Variants in ZBTB8A observed in about 807,000 individuals in gnomAD.
The protein encoded by ZBTB8A is zinc finger and BTB domain-containing protein 8A.
Under a neutral mutation model 37.8 loss-of-function variants are expected in ZBTB8A, and 19 were observed. That is an observed-to-expected ratio of 0.50 (90% confidence interval 0.35 to 0.74). The LOEUF (loss-of-function observed/expected upper bound fraction) is 0.74, where lower values mean the gene tolerates loss of function less well. ZBTB8A is among the 30% of genes least tolerant of loss of function. The pLI is 0.01. For synonymous variants in ZBTB8A, 181 were observed against 185.2 expected, an observed-to-expected ratio of 0.98 and a Z score of 0.19; for missense variants, 394 against 537.8, an observed-to-expected ratio of 0.73 and a Z score of 2.65.
intron 1 of ZBTB8A, among the ~76,000 whole-genome samples, chr1:32,551,451 A>C (rs979120130): frequency 6.6e-6 from 1 of 151,952 alleles, no homozygotes; most frequent in African/African-American, 2.4e-5. Flanking sequence ...ATGGTGGCTC[A>C]TGCCTGTAAT....
chr1:32,550,888 C>T (rs1386993153), intron 1 of ZBTB8A, among the ~76,000 whole-genome samples: 4 of 145,522 alleles, frequency 2.7e-5, no homozygotes, highest in African/African-American at 5.1e-5. Context: ...ACCCGGGAGG[C>T]GGAGGTTGCA....
At chr1:32,558,921 C>G (rs774471560) in intron 2 of ZBTB8A, among the ~76,000 whole-genome samples, 1 of 152,094 alleles carries the variant, frequency 6.6e-6, no homozygotes, top group Non-Finnish European at 1.5e-5. Flanking sequence ...TACAATGTTG[C>G]GTTGAATCTA....
chr1:32,561,407 T>G (rs1382832896), intron 2 of ZBTB8A, among the ~76,000 whole-genome samples: 3 of 152,196 alleles, frequency 2.0e-5, no homozygotes, highest in African/African-American at 7.2e-5. Context: ...AGCGCCATGC[T>G]GCCTCTGAAG....
At chr1:32,543,276 G>T (rs1241809213) in intron 1 of ZBTB8A, among the ~76,000 whole-genome samples, 1 of 151,916 alleles carries the variant, frequency 6.6e-6, no homozygotes, top group South Asian at 2.1e-4. Context: ...GTAGAGACGG[G>T]GTTTCACCAT....
chr1:32,550,270 G>A (rs1644141584), intron 1 of ZBTB8A, among the ~76,000 whole-genome samples: 1 of 152,080 alleles, frequency 6.6e-6, no homozygotes, highest in Non-Finnish European at 1.5e-5. Flanking sequence ...GAAAAAAATA[G>A]CATTCCATCA....
intron 2 of ZBTB8A, among the ~76,000 whole-genome samples, chr1:32,581,501 G>A (rs1180403802): frequency 6.6e-6 from 1 of 150,390 alleles, no homozygotes; most frequent in African/African-American, 2.4e-5. Flanking sequence ...ACAGGCGCAC[G>A]CCAACATGTC....
intron 2 of ZBTB8A, among the ~76,000 whole-genome samples, chr1:32,559,996 G>A (rs747797532): frequency 6.6e-6 from 1 of 152,164 alleles, no homozygotes; most frequent in African/African-American, 2.4e-5. Context: ...TCTGCAGGCT[G>A]TACAGGAAGC....
chr1:32,594,948 G>T (rs1349320081), intron 3 of ZBTB8A, 106 bp from the exon 4 acceptor site: 11 of 1,118,228 alleles, frequency 9.8e-6, no homozygotes, highest in African/African-American at 3.1e-5. Flanking sequence ...TTTTTTTTAA[G>T]TTTATTTTTT....
intron 2 of ZBTB8A, among the ~76,000 whole-genome samples, chr1:32,557,259 G>T (rs1644210471): frequency 6.6e-6 from 1 of 152,260 alleles, no homozygotes; most frequent in Admixed American, 6.5e-5. Flanking sequence ...CCAAGGTCAT[G>T]CCATTGCACT....
At chr1:32,559,412 TC>T (rs1644226731) in intron 2 of ZBTB8A, among the ~76,000 whole-genome samples, 1 of 151,824 alleles carries the variant, frequency 6.6e-6, no homozygotes, top group African/African-American at 2.4e-5. Context: ...TAAATGTTGG[TC>T]CCCTTCAAAA....
In ZBTB8A at chr1:32,570,073, G is replaced by A. The variant is rs540883607; in HGVS notation, c.-2+16533G>A. Among the ~76,000 whole-genome samples the A allele has an allele frequency of 1.4e-3, 214 of 152,164 alleles. 1 individual carries two copies. The highest frequency in any genetic ancestry group is 3.9e-3 in the Admixed American group (60 of 15,270). On this transcript the variant is annotated intron_variant, in intron 2 of 4. Transcript: ENST00000373510. Reference sequence around the variant, plus strand: ...CTTGTCAAATGAAAATTTGTATGTTGTGTAAAGTAAGAATCAAGATTGTTT... The same window carrying A: ...CTTGTCAAATGAAAATTTGTATGTTATGTAAAGTAAGAATCAAGATTGTTT...
chr1:32,552,222 A>G (rs1423833109), intron 1 of ZBTB8A, among the ~76,000 whole-genome samples: 1 of 152,078 alleles, frequency 6.6e-6, no homozygotes, highest in Non-Finnish European at 1.5e-5. Context: ...AAATTAGCCA[A>G]GCTTGGTGGT....
At chr1:32,595,284 T>C (rs1050335435) in intron 4 of ZBTB8A, 61 bp downstream of exon 4, 1 of 1,559,090 alleles carries the variant, frequency 6.4e-7, no homozygotes, top group African/African-American at 1.4e-5. Flanking sequence ...TTTTGTTTTT[T>C]TGAGATGGAG....
At chr1:32,560,025 G>A (rs888749192) in intron 2 of ZBTB8A, among the ~76,000 whole-genome samples, 2 of 152,076 alleles carry the variant, frequency 1.3e-5, no homozygotes, top group African/African-American at 4.8e-5. Flanking sequence ...TTCTGCTTCT[G>A]GGGAGGCCTC....
Position 32,584,788 on chromosome 1 carries a change from G to A in ZBTB8A, c.-1-8143G>A, listed in dbSNP as rs72652193. On this transcript the variant is annotated intron_variant, in intron 2 of 4. Coordinates refer to ENST00000373510, the MANE Select transcript of ZBTB8A (RefSeq NM_001040441.3). Reference sequence around the variant, plus strand: ...TCCCGCCTTGGCCTCCCAAAGTGCCGCGATTAGAGGTGTAAGCCACCATGC... The same window carrying A: ...TCCCGCCTTGGCCTCCCAAAGTGCCACGATTAGAGGTGTAAGCCACCATGC... Among the ~76,000 whole-genome samples, 337 of 150,376 alleles carry A rather than the reference G, an allele frequency of 2.2e-3. 2 individuals carry two copies. The highest frequency in any genetic ancestry group is 4.2e-3 in the Admixed American group (63 of 15,060).
intron 2 of ZBTB8A, among the ~76,000 whole-genome samples, 168 bp from the exon 3 acceptor site, chr1:32,592,763 C>A (rs141571232): frequency 0.016 from 2,489 of 152,146 alleles, 23 homozygotes; most frequent in South Asian, 0.033. Context: ...CCGCATTGGC[C>A]TCCCAAAGTG....
At chr1:32,576,866 C>CTT (rs539331794) in intron 2 of ZBTB8A, among the ~76,000 whole-genome samples, 8 of 136,304 alleles carry the variant, frequency 5.9e-5, no homozygotes, top group Admixed American at 1.5e-4. Flanking sequence ...TGCACAGACT[C>CTT]TTTTTTTTTT....
chr1:32,578,206 A>G (rs1439851932), intron 2 of ZBTB8A, among the ~76,000 whole-genome samples: 4 of 151,108 alleles, frequency 2.6e-5, no homozygotes, highest in African/African-American at 9.7e-5. Flanking sequence ...CTGGGATTAC[A>G]GGAGCATGCC....
At position 32,554,061 on chromosome 1, in the gene ZBTB8A, G is replaced by A. The variant is rs12042733; in HGVS notation, c.-2+521G>A. Among the ~76,000 whole-genome samples, 616 of 151,586 alleles carry A rather than the reference G, an allele frequency of 4.1e-3. 8 individuals carry two copies. The East Asian group carries it at 0.043, about 11-fold the overall frequency. On this transcript the variant is annotated intron_variant, in intron 2 of 4. Coordinates refer to ENST00000373510, the MANE Select transcript of ZBTB8A (RefSeq NM_001040441.3). ...TTAAAAATACAAAAATTAGCCGGGCGTGGTGCTGGGCGCCTATAATCCCAG... is the reference window on the plus strand; with the variant it reads ...TTAAAAATACAAAAATTAGCCGGGCATGGTGCTGGGCGCCTATAATCCCAG...
Sources: gnomAD v4.1 joint callset for allele counts (sites outside exome capture counted in the v4.1 genomes callset) on GRCh38, gnomAD v4.1.1 for gene constraint, MANE v1.5 for transcripts, NCBI Gene and HGNC (gene_info 2026-07-23, HGNC 2026-07-21) for gene names.